Variants in CCDC149 observed in about 807,000 individuals in gnomAD.
CCDC149 encodes coiled-coil domain-containing protein 149.
Under a neutral mutation model 59.9 loss-of-function variants are expected in CCDC149, and 45 were observed. The ratio of observed to expected loss-of-function variants is 0.75; its 90% CI spans 0.59 to 0.96. CCDC149 has a LOEUF of 0.96. Among genes scored for constraint, CCDC149 ranks in the 40% least tolerant of loss-of-function variants. CCDC149 has a pLI of 0.00. For synonymous variants in CCDC149, 245 were observed against 260.6 expected (o/e 0.94, Z 0.58); for missense variants, 584 against 664.7 (o/e 0.88, Z 1.33).
intron 3 of CCDC149, among the ~76,000 whole-genome samples, chr4:24,864,477 C>T (rs529446534): frequency 1.3e-5 from 2 of 152,248 alleles, no homozygotes; most frequent in African/African-American, 2.4e-5. Flanking sequence ...AAGACGGCTT[C>T]GACTCCCTGT....
At chr4:24,920,320 A>G (rs961520705) in intron 1 of CCDC149, among the ~76,000 whole-genome samples, 1 of 152,200 alleles carries the variant, frequency 6.6e-6, no homozygotes, top group African/African-American at 2.4e-5. Flanking sequence ...ATGGCTGGCC[A>G]TTGGCTGGGA....
intron 1 of CCDC149, among the ~76,000 whole-genome samples, chr4:24,897,166 G>C (rs1046703803): frequency 1.3e-5 from 2 of 152,160 alleles, no homozygotes; most frequent in African/African-American, 4.8e-5. Context: ...GGGGGCAAGA[G>C]AGCTGTGACT....
chr4:24,809,249 G>A (rs757226467), intron 12 of CCDC149, among the ~76,000 whole-genome samples: 8 of 152,146 alleles, frequency 5.3e-5, no homozygotes, highest in East Asian at 1.9e-4. Context: ...AGGATAGTTC[G>A]GGAAGGATTT....
chr4:24,853,243 C>T (rs915233919), intron 3 of CCDC149, 64 bp from the exon 4 acceptor site: 1 of 1,249,250 alleles, frequency 8.0e-7, no homozygotes, highest in African/African-American at 1.5e-5. Context: ...TGCAGGGCTT[C>T]ATTGGGCTTG....
At chr4:24,950,639 T>C (rs1723257452) in intron 1 of CCDC149, among the ~76,000 whole-genome samples, 1 of 152,210 alleles carries the variant, frequency 6.6e-6, no homozygotes, top group South Asian at 2.1e-4. Flanking sequence ...ATCCTCAGTG[T>C]TCTCATCTAT....
At chr4:24,831,308 C>T (rs1716129767) in intron 9 of CCDC149, 198 bp downstream of exon 9, 2 of 584,228 alleles carry the variant, frequency 3.4e-6, no homozygotes, top group African/African-American at 1.9e-5. Context: ...GGTACCCTTT[C>T]CTTGCTTGGC....
At chr4:24,884,717 AT>A (rs1432984893) in intron 1 of CCDC149, among the ~76,000 whole-genome samples, 1 of 152,202 alleles carries the variant, frequency 6.6e-6, no homozygotes, top group Non-Finnish European at 1.5e-5. Flanking sequence ...CAGTTTCTCC[AT>A]TTTTAAATGA....
chr4:24,822,545 C>T lies in CCDC149; in HGVS notation c.994G>A (p.Glu332Lys). 1 of 1,532,108 alleles carries T rather than the reference C, an allele frequency of 6.5e-7. No individual in the cohort carries two copies. Among genetic ancestry groups the T allele is most frequent in the Non-Finnish European group, 8.8e-7 (1 of 1,138,612 alleles). 94.9% of individuals were successfully genotyped at this position (1,532,108 alleles called of 1,614,324 possible). ...ACTTCCAGAGTTCTTAATTTTTTTT[C>T]CAGCTCAGCCACCCGATTCCCTAGG... The change falls in exon 10 of 13, where the codon GAA becomes AAA. Residue 332 changes from glutamate to lysine, a missense_variant. Coordinates refer to ENST00000635206, the MANE Select transcript of CCDC149 (RefSeq NM_001330643.2).
chr4:24,810,034 C>A (rs1339876827), intron 12 of CCDC149, among the ~76,000 whole-genome samples: 1 of 152,168 alleles, frequency 6.6e-6, no homozygotes, highest in East Asian at 1.9e-4. Flanking sequence ...CACTCTGCAG[C>A]CTCATTTCAC....
intron 3 of CCDC149, among the ~76,000 whole-genome samples, chr4:24,858,346 T>C (rs1438242999): frequency 6.6e-6 from 1 of 152,148 alleles, no homozygotes; most frequent in African/African-American, 2.4e-5. Context: ...CCTCTAAATC[T>C]CTTGGGGCAA....
At chr4:24,884,810 G>T (rs894643757) in intron 1 of CCDC149, among the ~76,000 whole-genome samples, 2 of 152,210 alleles carry the variant, frequency 1.3e-5, no homozygotes, top group African/African-American at 4.8e-5. Context: ...TGTGTTGTAT[G>T]CATGTTAATG....
At chr4:24,909,972 T>C (rs552465454) in intron 1 of CCDC149, among the ~76,000 whole-genome samples, 11 of 152,336 alleles carry the variant, frequency 7.2e-5, no homozygotes, top group African/African-American at 2.6e-4. Flanking sequence ...ATAAGCAGCA[T>C]GAAAACGGAC....
At chr4:24,875,084 A>G (rs6827488) in intron 2 of CCDC149, among the ~76,000 whole-genome samples, 53,993 of 152,016 alleles carry the variant, frequency 0.36, 9,676 homozygotes, top group South Asian at 0.41. Flanking sequence ...CGAGGCGGGC[A>G]GATCACGAGG....
At position 24,923,007 on chromosome 4, in the gene CCDC149, C is replaced by T. The variant is rs1298318194; in HGVS notation, c.-64-27889G>A. Among the ~76,000 whole-genome samples the T allele has an allele frequency of 3.9e-5, 6 of 152,142 alleles. No homozygotes were observed. In the East Asian group the frequency reaches 7.7e-4, roughly 20 times the overall value. ...ATACAGATTCTGCTAAACTCAGCAT[C>T]CTATATACTTGGGACTTTTTCATCC... is the stretch of plus-strand genomic sequence containing the variant. On this transcript the variant is annotated intron_variant, in intron 1 of 12. Coordinates refer to the CCDC149 transcript ENST00000389609.
chr4:24,870,616 C>T (rs991095539), intron 3 of CCDC149, among the ~76,000 whole-genome samples: 1 of 152,162 alleles, frequency 6.6e-6, no homozygotes, highest in Admixed American at 6.5e-5. Flanking sequence ...AAGAATGCAG[C>T]TTAACAGACT....
chr4:24,966,315 TG>T (rs1345111221), intron 1 of CCDC149, among the ~76,000 whole-genome samples: 2 of 152,114 alleles, frequency 1.3e-5, no homozygotes, highest in Non-Finnish European at 2.9e-5. Context: ...CGGCAGGCTA[TG>T]TTTGACCTGA....
At chr4:24,877,510 A>T (rs989042568) in intron 1 of CCDC149, among the ~76,000 whole-genome samples, 11 of 152,128 alleles carry the variant, frequency 7.2e-5, no homozygotes, top group African/African-American at 2.4e-4. Context: ...TAAAAAAAAA[A>T]TGCCCAAAAA....
In CCDC149 at chr4:24,874,262, T is replaced by G. The variant is rs1382016675; in HGVS notation, c.226-543A>C. On this transcript the variant is annotated intron_variant, in intron 2 of 12. Transcript: ENST00000635206. ...TAGATTTGTTTTTTTTTTTTTTTGTTTTGTTTTTTTTTGTTTTTTTGCCTT... is the reference window on the plus strand; with the variant it reads ...TAGATTTGTTTTTTTTTTTTTTTGTGTTGTTTTTTTTTGTTTTTTTGCCTT... Among the ~76,000 whole-genome samples, 21 of 35,702 alleles carry G rather than the reference T, an allele frequency of 5.9e-4. No individual in the cohort carries two copies. The East Asian group carries it at 8.8e-3, about 15-fold the overall frequency. The allele number at this position is 35,702 out of a possible 152,430, so 23.4% of individuals were successfully genotyped here. A position where few individuals can be genotyped will look rare whatever the true frequency, so the allele number is the denominator to read the frequency against.
At chr4:24,960,570 G>A (rs1723609830) in intron 1 of CCDC149, among the ~76,000 whole-genome samples, 1 of 152,142 alleles carries the variant, frequency 6.6e-6, no homozygotes, top group African/African-American at 2.4e-5. Flanking sequence ...GAAAATGTAT[G>A]CCATGTTAAC....
Sources: gnomAD v4.1 joint callset for allele counts (sites outside exome capture counted in the v4.1 genomes callset) on GRCh38, gnomAD v4.1.1 for gene constraint, MANE v1.5 for transcripts, NCBI Gene and HGNC (gene_info 2026-07-23, HGNC 2026-07-21) for gene names.